The following GALNT15 variants were observed in gnomAD, a reference collection of about 807,000 sequenced individuals.
GALNT15 encodes polypeptide N-acetylgalactosaminyltransferase 15.
A neutral mutation model predicts 66.8 loss-of-function variants in GALNT15; 67 were observed. The observed-to-expected ratio is 1.00, with a 90% confidence interval of 0.82 to 1.23. GALNT15 has a LOEUF of 1.23. Ranked by LOEUF, GALNT15 falls within the 50% of genes most tolerant of loss-of-function variation. GALNT15 has a pLI of 0.00. For synonymous variants in GALNT15, 313 were observed against 311.5 expected (o/e 1.00, Z -0.05); for missense variants, 827 against 804.3 (o/e 1.03, Z -0.34).
intron 3 of GALNT15, among the ~76,000 whole-genome samples, chr3:16,202,765 A>G (rs2063716703): frequency 6.6e-6 from 1 of 152,212 alleles, no homozygotes; most frequent in African/African-American, 2.4e-5. Flanking sequence ...CCCATTTCCC[A>G]TCTGATTCCC....
At chr3:16,202,481 A>G (rs1388626068) in intron 3 of GALNT15, among the ~76,000 whole-genome samples, 1 of 152,146 alleles carries the variant, frequency 6.6e-6, no homozygotes, top group Non-Finnish European at 1.5e-5. Flanking sequence ...AAAAATACAA[A>G]AATTAACTGG....
downstream of GALNT15, chr3:16,231,917 G>A (rs770361188): frequency 3.3e-5 from 50 of 1,534,770 alleles, 1 homozygote; most frequent in Non-Finnish European, 3.5e-5. The surrounding 1 kb of genome is among the most constrained non-coding windows in gnomAD (Gnocchi z 4.1). Context: ...AGGCACTGCC[G>A]ATCACTCTCC....
chr3:16,207,739 G>A (rs977797565), intron 3 of GALNT15, among the ~76,000 whole-genome samples: 2 of 152,072 alleles, frequency 1.3e-5, no homozygotes, highest in Non-Finnish European at 2.9e-5. Context: ...CCTGAGAGCA[G>A]GGGTCCATAA....
intron 1 of GALNT15, among the ~76,000 whole-genome samples, chr3:16,194,903 G>A (rs933435359): frequency 6.6e-6 from 1 of 152,170 alleles, no homozygotes; most frequent in African/African-American, 2.4e-5. Flanking sequence ...GTGATGGGTT[G>A]ATGGTGGCAG....
chr3:16,220,566 A>G (rs2063931998), intron 8 of GALNT15, among the ~76,000 whole-genome samples: 1 of 152,214 alleles, frequency 6.6e-6, no homozygotes. Flanking sequence ...GAGGGCTGGT[A>G]GGTCCACTTC....
chr3:16,194,739 C>T (rs1295311149), intron 1 of GALNT15, among the ~76,000 whole-genome samples: 2 of 152,134 alleles, frequency 1.3e-5, no homozygotes, highest in African/African-American at 2.4e-5. Context: ...AACAGAAAAC[C>T]AAACACCGCA....
rs2063503383 is a variant in GALNT15, at chr3:16,184,946, A to C, written c.539+9256A>C. On this transcript the variant is annotated intron_variant, in intron 1 of 9. Coordinates refer to ENST00000339732, the MANE Select transcript of GALNT15 (RefSeq NM_054110.5). The surrounding 1 kb of genome is among the most constrained non-coding windows in gnomAD (Gnocchi z 5.0). ...GGGGTGGGGTAGGGGTTAATTTTCC[A>C]GCTCTTCAGGGATGCTCTGACTGGG... Among the ~76,000 whole-genome samples, 1 of 152,170 alleles carries C rather than the reference A, an allele frequency of 6.6e-6. No individual in the cohort carries two copies. Among genetic ancestry groups the C allele is most frequent in the Non-Finnish European group, 1.5e-5 (1 of 68,022 alleles).
Position 16,181,323 on chromosome 3 carries a change from C to T in GALNT15, c.539+5633C>T, listed in dbSNP as rs1293552822. 6.6e-6 allele frequency among the ~76,000 whole-genome samples: 1 copy of T among 152,052 alleles called. No individual in the cohort carries two copies. Among genetic ancestry groups the T allele is most frequent in the African/African-American group, 2.4e-5 (1 of 41,400 alleles). The stretch of plus-strand genomic sequence containing the variant: ...CCTGGGCACCAAGAGCTTAAAACTC[C>T]CCAGGTGGTTCTATCGTGAAGCCAG... On this transcript the variant is annotated intron_variant, in intron 1 of 9. Coordinates refer to ENST00000339732, the MANE Select transcript of GALNT15 (RefSeq NM_054110.5). This position sits in a 1 kb window ranked among gnomAD's most constrained non-coding sequence, Gnocchi z 5.9.
At chr3:16,238,479 T>C in the GALNT15 span, among the ~76,000 whole-genome samples, 2 of 152,192 alleles carry the variant, frequency 1.3e-5, no homozygotes, top group Non-Finnish European at 1.5e-5. This position sits in a 1 kb window ranked among gnomAD's most constrained non-coding sequence, Gnocchi z 4.8. Flanking sequence ...TTGTTGTTAA[T>C]ATTGTAACAA....
chr3:16,203,543 TCACACACACACACACACA>T lies in GALNT15; in HGVS notation c.911+2749_911+2766del, dbSNP rs1164976010. On this transcript the variant is annotated intron_variant, in intron 3 of 9. Coordinates refer to ENST00000339732, the MANE Select transcript of GALNT15 (RefSeq NM_054110.5). The surrounding 1 kb of genome is among the most constrained non-coding windows in gnomAD (Gnocchi z 6.2). ...CATTCTCTCTCTCTCTCTCTCTCTCTCACACACACACACACACACACACACACACACACACACACACAC... is the reference window on the plus strand; with the variant it reads ...CATTCTCTCTCTCTCTCTCTCTCTCTCACACACACACACACACACACACAC... Among the ~76,000 whole-genome samples the T allele has an allele frequency of 2.3e-3, 142 of 61,158 alleles. No homozygotes were observed. The highest frequency in any genetic ancestry group is 6.8e-3 in the African/African-American group (125 of 18,312). 40.1% of individuals were successfully genotyped at this position (61,158 alleles called of 152,430 possible).
In GALNT15 at chr3:16,219,322, C is replaced by T; in HGVS notation, c.1393-81C>T. 3 of 1,564,344 alleles carry T rather than the reference C, an allele frequency of 1.9e-6. No individual in the cohort carries two copies. In the South Asian group the frequency reaches 3.6e-5, roughly 19 times the overall value. On this transcript the variant is annotated intron_variant, in intron 6 of 9. Coordinates refer to ENST00000339732, the MANE Select transcript of GALNT15 (RefSeq NM_054110.5). This position sits in a 1 kb window ranked among gnomAD's most constrained non-coding sequence, Gnocchi z 4.3. ...TTCTGTCCTGATCCTTTAGCTTCTT[C>T]CCAGCCACTCCATCCCCAACCATGT...
chr3:16,223,961 G>A (rs542315427), intron 9 of GALNT15, among the ~76,000 whole-genome samples: 15 of 152,092 alleles, frequency 9.9e-5, no homozygotes, highest in Non-Finnish European at 1.9e-4. Flanking sequence ...ACAAATTGCC[G>A]GGATTACAGT....
rs1214889918 is a variant in GALNT15 at position 16,209,179 on chromosome 3, A to G, written c.1079+509A>G. 1.3e-5 allele frequency among the ~76,000 whole-genome samples: 2 copies of G among 152,232 alleles called. No homozygotes were observed. Among genetic ancestry groups the G allele is most frequent in the Non-Finnish European group, 2.9e-5 (2 of 68,034 alleles). ...TGTTTGGTTTTTGGATGACTCTTCT[A>G]TTTAAGTAGAAGTACTAGATATCTT... On this transcript the variant is annotated intron_variant, in intron 4 of 9. Transcript: ENST00000339732. This position sits in a 1 kb window ranked among gnomAD's most constrained non-coding sequence, Gnocchi z 4.1.
downstream of GALNT15, among the ~76,000 whole-genome samples, chr3:16,232,469 AATATATATATATATATAT>A (rs374444719): frequency 2.3e-3 from 90 of 38,762 alleles, 5 homozygotes; most frequent in Admixed American, 2.9e-3. Flanking sequence ...TAAATAAATA[AATATATATATATATATAT>A]ATATATATAT....
At chr3:16,241,076 C>G in the GALNT15 span, among the ~76,000 whole-genome samples, 4 of 152,156 alleles carry the variant, frequency 2.6e-5, no homozygotes, top group South Asian at 4.1e-4. This position sits in a 1 kb window ranked among gnomAD's most constrained non-coding sequence, Gnocchi z 4.6. Flanking sequence ...GGGTCTTCCT[C>G]GAACCCCCGG....
At position 16,227,663 on chromosome 3, in the gene GALNT15, C is replaced by A; in HGVS notation, c.*163C>A. ...AAGAATATAGGAAGTTTCTCCTTTT[C>A]ACACCTTATTTCATTGACTGCTGGC... On this transcript the variant is annotated 3_prime_UTR_variant, in exon 10 of 10. Coordinates refer to ENST00000339732, the MANE Select transcript of GALNT15 (RefSeq NM_054110.5). The surrounding 1 kb of genome is among the most constrained non-coding windows in gnomAD (Gnocchi z 4.5). The A allele has an allele frequency of 7.0e-7, 1 of 1,430,454 alleles. No individual in the cohort carries two copies. The highest frequency in any genetic ancestry group is 9.1e-7 in the Non-Finnish European group (1 of 1,100,344). The allele number at this position is 1,430,454 out of a possible 1,614,324, so 88.6% of individuals were successfully genotyped here.
intron 3 of GALNT15, among the ~76,000 whole-genome samples, chr3:16,205,433 T>C (rs1001751806): frequency 2.6e-5 from 4 of 152,210 alleles, no homozygotes; most frequent in African/African-American, 9.6e-5. Flanking sequence ...GAACCAGTCT[T>C]TGTTGGCAGC....
Position 16,186,839 on chromosome 3 carries a change from G to A in GALNT15, c.540-8921G>A, listed in dbSNP as rs1411667075. 6.6e-6 allele frequency among the ~76,000 whole-genome samples: 1 copy of A among 152,156 alleles called. No homozygotes were observed. The highest frequency in any genetic ancestry group is 2.4e-5 in the African/African-American group (1 of 41,438). ...GGTAGTAGGTTTTTGGGGGTGGGGT[G>A]TTGAAAACGTTCTCAAATTAGACAG... is the stretch of plus-strand genomic sequence containing the variant. On this transcript the variant is annotated intron_variant, in intron 1 of 9. Coordinates refer to ENST00000339732, the MANE Select transcript of GALNT15 (RefSeq NM_054110.5). The surrounding 1 kb of genome is among the most constrained non-coding windows in gnomAD (Gnocchi z 5.1).
chr3:16,199,827 T>A (rs192318938), intron 2 of GALNT15, among the ~76,000 whole-genome samples: 1 of 152,270 alleles, frequency 6.6e-6, no homozygotes, highest in African/African-American at 2.4e-5. Context: ...AGAGACCGTT[T>A]TAATACCCCA....
Sources: allele counts gnomAD v4.1 joint callset (sites outside exome capture counted in the v4.1 genomes callset), GRCh38; gene constraint gnomAD v4.1.1; non-coding constraint Gnocchi (gnomAD v3.1); transcripts MANE v1.5; gene names NCBI Gene and HGNC (gene_info 2026-07-23, HGNC 2026-07-21).